Variants in HPSE2 observed in about 807,000 individuals in gnomAD.
HPSE2 encodes heparanase 2 (inactive).
Under a neutral mutation model 60.5 loss-of-function variants are expected in HPSE2, and 38 were observed. That is an observed-to-expected ratio of 0.63 (90% CI 0.48 to 0.82). HPSE2 has a LOEUF of 0.82. Among genes scored for constraint, HPSE2 ranks in the 40% least tolerant of loss-of-function variants. The pLI is 0.00. For missense variants in HPSE2, 713 were observed against 740.4 expected (o/e 0.96, Z 0.43); for synonymous variants, 295 against 293.2 (o/e 1.01, Z -0.06).
intron 9 of HPSE2, among the ~76,000 whole-genome samples, chr10:98,571,985 C>A (rs893709579): frequency 1.4e-5 from 2 of 146,868 alleles, no homozygotes; most frequent in East Asian, 4.0e-4. Context: ...GTTGCCCAGG[C>A]GGGAGTGCAG....
At chr10:98,960,398 T>C (rs1443329831) in intron 3 of HPSE2, among the ~76,000 whole-genome samples, 1 of 152,178 alleles carries the variant, frequency 6.6e-6, no homozygotes, top group South Asian at 2.1e-4. Flanking sequence ...TGAATTGTTT[T>C]TCCATTTATA....
intron 3 of HPSE2, among the ~76,000 whole-genome samples, chr10:99,143,364 G>A (rs533263593): frequency 6.6e-6 from 1 of 152,090 alleles, no homozygotes; most frequent in South Asian, 2.1e-4. Flanking sequence ...AAAAGTTAAA[G>A]TTTTCCTAAC....
chr10:99,248,338 C>G, the HPSE2 span, among the ~76,000 whole-genome samples: 1 of 152,154 alleles, frequency 6.6e-6, no homozygotes, highest in African/African-American at 2.4e-5. Context: ...GGCCACTTTT[C>G]TATGCTTTAG....
chr10:99,187,377 A>T (rs181653612), intron 2 of HPSE2, among the ~76,000 whole-genome samples: 6 of 152,322 alleles, frequency 3.9e-5, no homozygotes, highest in Admixed American at 2.6e-4. Flanking sequence ...TAAAAAGCAC[A>T]AATTACTTTT....
intron 10 of HPSE2, among the ~76,000 whole-genome samples, chr10:98,483,026 T>C (rs1941303138): frequency 1.3e-5 from 2 of 152,194 alleles, no homozygotes; most frequent in African/African-American, 4.8e-5. Context: ...TTAGAAAATA[T>C]AATGTATATA....
At chr10:99,235,080 CACACACTCTCCTGTCTCACAT>C in intron 1 of HPSE2, among the ~76,000 whole-genome samples, 2 of 141,858 alleles carry the variant, frequency 1.4e-5, no homozygotes. Context: ...CACTCACACA[CACACACTCTCCTGTCTCACAT>C]ACACACACAC....
At chr10:98,675,156 C>G (rs1947603704) in intron 6 of HPSE2, among the ~76,000 whole-genome samples, 1 of 152,144 alleles carries the variant, frequency 6.6e-6, no homozygotes, top group Non-Finnish European at 1.5e-5. Context: ...ACCTCTCTCA[C>G]CTTGAAGCCT....
At chr10:98,460,406 C>T (rs904656269) in intron 11 of HPSE2, among the ~76,000 whole-genome samples, 7 of 151,998 alleles carry the variant, frequency 4.6e-5, no homozygotes, top group African/African-American at 1.5e-4. Context: ...GAGGGAGGAT[C>T]GCTTGAGTCC....
chr10:99,298,669 C>CTTTTTTTTTTTTTTTTT, the HPSE2 span, among the ~76,000 whole-genome samples: 1 of 144,090 alleles, frequency 6.9e-6, no homozygotes. Context: ...TATGTATAGG[C>CTTTTTTTTTTTTTTTTT]TTTTTTTTTT....
the HPSE2 span, among the ~76,000 whole-genome samples, chr10:99,246,978 A>C: frequency 2.6e-5 from 4 of 152,072 alleles, no homozygotes; most frequent in African/African-American, 9.7e-5. Context: ...CTGTTCTCAA[A>C]AACAAAAATA....
At chr10:98,527,733 C>A (rs1212158372) in intron 9 of HPSE2, among the ~76,000 whole-genome samples, 2 of 152,160 alleles carry the variant, frequency 1.3e-5, no homozygotes, top group African/African-American at 2.4e-5. Flanking sequence ...ATGTCTGTTT[C>A]CTTTGTAGCT....
intron 3 of HPSE2, among the ~76,000 whole-genome samples, chr10:98,976,736 GA>G (rs63223461): frequency 0.048 from 6,539 of 137,658 alleles, 165 homozygotes; most frequent in South Asian, 0.094. Context: ...CGTGGTAAGC[GA>G]AAAAAAAAAA....
intron 9 of HPSE2, among the ~76,000 whole-genome samples, chr10:98,594,752 C>G (rs1481577118): frequency 6.6e-6 from 1 of 152,084 alleles, no homozygotes; most frequent in Non-Finnish European, 1.5e-5. Flanking sequence ...GTAAGTAATG[C>G]TGCAATGATC....
At chr10:98,855,405 G>A (rs1952288538) in intron 3 of HPSE2, among the ~76,000 whole-genome samples, 2 of 152,098 alleles carry the variant, frequency 1.3e-5, no homozygotes, top group South Asian at 4.1e-4. Flanking sequence ...CCTGGAAATG[G>A]GGGTGGGAAG....
intron 3 of HPSE2, among the ~76,000 whole-genome samples, chr10:98,945,471 A>G (rs900812277): frequency 9.2e-5 from 14 of 152,248 alleles, no homozygotes; most frequent in African/African-American, 3.4e-4. Context: ...CTCTTAACCC[A>G]ACCAATAAAG....
At chr10:98,971,242 T>C (rs972552856) in intron 3 of HPSE2, among the ~76,000 whole-genome samples, 1 of 152,210 alleles carries the variant, frequency 6.6e-6, no homozygotes, top group Admixed American at 6.5e-5. Flanking sequence ...CCAAACAACT[T>C]AGAATTTGTA....
the HPSE2 span, among the ~76,000 whole-genome samples, chr10:99,309,032 T>C: frequency 6.6e-6 from 1 of 152,214 alleles, no homozygotes; most frequent in Non-Finnish European, 1.5e-5. Flanking sequence ...AGCTGTATTT[T>C]TTTTTTCTAA....
chr10:99,117,971 A>T (rs1844776449), intron 3 of HPSE2, among the ~76,000 whole-genome samples: 1 of 152,188 alleles, frequency 6.6e-6, no homozygotes, highest in Non-Finnish European at 1.5e-5. Flanking sequence ...AATCCTAAGC[A>T]AAATACTGGT....
intron 6 of HPSE2, among the ~76,000 whole-genome samples, chr10:98,665,712 A>G (rs1050833319): frequency 6.6e-6 from 1 of 152,204 alleles, no homozygotes; most frequent in Non-Finnish European, 1.5e-5. Context: ...GGAGGATACA[A>G]TCCTTCTCAG....
Sources: allele counts gnomAD v4.1 joint callset (sites outside exome capture counted in the v4.1 genomes callset), GRCh38; gene constraint gnomAD v4.1.1; transcripts MANE v1.5; gene names NCBI Gene and HGNC (gene_info 2026-07-23, HGNC 2026-07-21).